The following GRIN2B variants were observed in gnomAD, a reference collection of about 807,000 sequenced individuals.
The protein encoded by GRIN2B is glutamate ionotropic receptor NMDA type subunit 2B.
GRIN2B carries 5 observed loss-of-function variants against 114.5 expected under a neutral mutation model. That is an observed-to-expected ratio of 0.04 (90% CI 0.02 to 0.09). The LOEUF (loss-of-function observed/expected upper bound fraction) is 0.09, where lower values mean the gene tolerates loss of function less well. Among genes scored for constraint, GRIN2B ranks in the 10% least tolerant of loss-of-function variants. The pLI, the probability that GRIN2B is intolerant of heterozygous loss-of-function variation, is 1.00. For synonymous variants in GRIN2B, 787 were observed against 745.1 expected (o/e 1.06, Z -0.92); for missense variants, 1,108 against 1,943.5 (o/e 0.57, Z 8.08).
At chr12:13,905,902 A>G (rs918015236) in intron 2 of GRIN2B, among the ~76,000 whole-genome samples, 2 of 152,170 alleles carry the variant, frequency 1.3e-5, no homozygotes, top group African/African-American at 4.8e-5. Context: ...TTGCCTGTGC[A>G]TATAATCACA....
At chr12:13,832,902 A>C (rs906163777) in intron 3 of GRIN2B, among the ~76,000 whole-genome samples, 1 of 152,190 alleles carries the variant, frequency 6.6e-6, no homozygotes, top group African/African-American at 2.4e-5. Flanking sequence ...GTTTACCATG[A>C]AATTATGAAA....
At chr12:13,929,840 A>T (rs1441050877) in intron 2 of GRIN2B, among the ~76,000 whole-genome samples, 1 of 152,318 alleles carries the variant, frequency 6.6e-6, no homozygotes, top group South Asian at 2.1e-4. Context: ...GTTCACTGCA[A>T]TGGTTAAGTG....
At chr12:13,648,019 C>T (rs1263081705) in intron 5 of GRIN2B, among the ~76,000 whole-genome samples, 4 of 152,048 alleles carry the variant, frequency 2.6e-5, no homozygotes, top group African/African-American at 9.7e-5. Context: ...GCTGAAAATT[C>T]ATTGGTGAGG....
intron 10 of GRIN2B, among the ~76,000 whole-genome samples, chr12:13,576,641 C>T (rs928032321): frequency 1.3e-5 from 2 of 151,964 alleles, no homozygotes; most frequent in African/African-American, 4.8e-5. Context: ...CAACTTCAAC[C>T]TCCCAGGCTC....
chr12:13,915,638 G>A (rs537323546), intron 2 of GRIN2B, among the ~76,000 whole-genome samples: 1 of 152,294 alleles, frequency 6.6e-6, no homozygotes, highest in African/African-American at 2.4e-5. Context: ...TAGCAACTGA[G>A]AAACTGAATT....
At chr12:13,749,514 G>C (rs1863443453) in intron 4 of GRIN2B, among the ~76,000 whole-genome samples, 1 of 152,246 alleles carries the variant, frequency 6.6e-6, no homozygotes, top group Admixed American at 6.5e-5. Flanking sequence ...TGCAGTTGCT[G>C]AGAGGAGAAT....
rs1394716972 is a variant in GRIN2B at position 13,538,941 on chromosome 12, CTGTATAATTTTCAGATTAT to C, written c.*23823_*23841del. 1.3e-5 allele frequency: 2 copies of C among 151,486 alleles called. No individual in the cohort carries two copies. The highest frequency in any genetic ancestry group is 2.9e-5 in the Non-Finnish European group (2 of 67,914). The allele number at this position is 151,486 out of a possible 1,614,324, so 9.4% of individuals were successfully genotyped here. On this transcript the variant is annotated 3_prime_UTR_variant, in exon 14 of 14. Coordinates refer to ENST00000609686, the MANE Select transcript of GRIN2B (RefSeq NM_000834.5). ...ATCTCAGATTTTCAAATCAAACTTACTGTATAATTTTCAGATTATTGTTAAAGCAGTTCTGTTGTCCAAA... is the reference window on the plus strand; with the variant it reads ...ATCTCAGATTTTCAAATCAAACTTACTGTTAAAGCAGTTCTGTTGTCCAAA...
At chr12:13,767,906 G>A (rs930168044) in intron 3 of GRIN2B, among the ~76,000 whole-genome samples, 5 of 152,280 alleles carry the variant, frequency 3.3e-5, no homozygotes, top group Admixed American at 1.3e-4. Context: ...CTTCGGTGAC[G>A]AAGGGTAAGT....
At chr12:13,757,151 A>G (rs554196375) in intron 3 of GRIN2B, among the ~76,000 whole-genome samples, 3 of 152,326 alleles carry the variant, frequency 2.0e-5, no homozygotes, top group African/African-American at 7.2e-5. Context: ...GATGCTTTAT[A>G]TGACCATTTT....
chr12:13,697,918 A>C (rs1950275895), intron 4 of GRIN2B, among the ~76,000 whole-genome samples: 1 of 152,186 alleles, frequency 6.6e-6, no homozygotes, highest in Non-Finnish European at 1.5e-5. Context: ...TGCAACTTGC[A>C]CCAAAGTCAC....
intron 2 of GRIN2B, among the ~76,000 whole-genome samples, chr12:13,923,340 T>C (rs1335689573): frequency 6.6e-6 from 1 of 152,200 alleles, no homozygotes; most frequent in Non-Finnish European, 1.5e-5. Context: ...AAAAAAGAAA[T>C]GTATTCTAAT....
chr12:13,920,663 C>T (rs1215751794), intron 2 of GRIN2B, among the ~76,000 whole-genome samples: 2 of 152,148 alleles, frequency 1.3e-5, no homozygotes, highest in African/African-American at 4.8e-5. Context: ...AGCTGCTATG[C>T]TCCAGGTGCA....
chr12:13,907,219 G>A (rs966976568), intron 2 of GRIN2B, among the ~76,000 whole-genome samples: 1 of 152,186 alleles, frequency 6.6e-6, no homozygotes, highest in African/African-American at 2.4e-5. Flanking sequence ...GGCCGGGCGT[G>A]GTGGCTCATG....
intron 2 of GRIN2B, among the ~76,000 whole-genome samples, chr12:13,869,522 A>G (rs1335778336): frequency 2.6e-5 from 4 of 152,148 alleles, no homozygotes; most frequent in Non-Finnish European, 5.9e-5. Flanking sequence ...TGGGTACCAG[A>G]TATTATTATT....
chr12:13,791,146 T>C (rs2064780541), intron 3 of GRIN2B, among the ~76,000 whole-genome samples: 1 of 152,098 alleles, frequency 6.6e-6, no homozygotes, highest in Admixed American at 6.6e-5. Context: ...TGAAGTAGAA[T>C]ATGTTTATGA....
intron 3 of GRIN2B, among the ~76,000 whole-genome samples, chr12:13,816,322 T>C (rs1445454623): frequency 1.3e-5 from 2 of 152,160 alleles, no homozygotes; most frequent in Non-Finnish European, 2.9e-5. Context: ...GAAATGACAA[T>C]TGATAAGACA....
rs1866465898 is a variant in GRIN2B at position 13,902,331 on chromosome 12, T to C, written c.-18-36105A>G. ...AATCTTACATCGTTTAGGGGGCAAG[T>C]TAATAATTTTAAAATGCAGTTTTTC... On this transcript the variant is annotated intron_variant, in intron 2 of 13. Coordinates refer to ENST00000609686, the MANE Select transcript of GRIN2B (RefSeq NM_000834.5). Among the ~76,000 whole-genome samples, 2 of 152,188 alleles carry C rather than the reference T, an allele frequency of 1.3e-5. 1 individual carries two copies. Among genetic ancestry groups the C allele is most frequent in the Admixed American group, 1.3e-4 (2 of 15,280 alleles).
chr12:13,956,823 C>G (rs1291615989), intron 2 of GRIN2B, among the ~76,000 whole-genome samples: 1 of 152,172 alleles, frequency 6.6e-6, no homozygotes, highest in Non-Finnish European at 1.5e-5. Context: ...TTAACTTCTT[C>G]CACGATTTCT....
In GRIN2B at chr12:13,548,930, C is replaced by G. The variant is rs1948379148; in HGVS notation, c.*13853G>C. ...GAAGTTGATGGTATAGAAGTCTCCTCACTCATTCATCTAAGGACTTTTCCA... is the reference window on the plus strand; with the variant it reads ...GAAGTTGATGGTATAGAAGTCTCCTGACTCATTCATCTAAGGACTTTTCCA... On this transcript the variant is annotated 3_prime_UTR_variant, in exon 14 of 14. Coordinates refer to ENST00000609686, the MANE Select transcript of GRIN2B (RefSeq NM_000834.5). 6.6e-6 allele frequency: 1 copy of G among 152,008 alleles called. No homozygotes were observed. The allele number at this position is 152,008 out of a possible 1,614,324, so 9.4% of individuals were successfully genotyped here.
Sources: allele counts gnomAD v4.1 joint callset (sites outside exome capture counted in the v4.1 genomes callset), GRCh38; gene constraint gnomAD v4.1.1; transcripts MANE v1.5; gene names NCBI Gene and HGNC (gene_info 2026-07-23, HGNC 2026-07-21).